Variants in NRDE2 observed in about 807,000 individuals in gnomAD.
The protein encoded by NRDE2 is nuclear exosome regulator NRDE2.
In NRDE2, 76 loss-of-function variants were observed where a neutral mutation model predicts 124.2. That is an observed-to-expected ratio of 0.61 (90% CI 0.51 to 0.74). The LOEUF is 0.74. Ranked by LOEUF, NRDE2 falls within the 30% of genes least tolerant of loss-of-function variation. NRDE2 has a pLI of 0.00. For synonymous variants in NRDE2, 489 were observed against 528.1 expected (o/e 0.93, Z 1.01); for missense variants, 1,314 against 1,417.3 (o/e 0.93, Z 1.17).
At chr14:90,289,504 T>C (rs1892210441) in intron 10 of NRDE2, among the ~76,000 whole-genome samples, 1 of 152,232 alleles carries the variant, frequency 6.6e-6, no homozygotes, top group African/African-American at 2.4e-5. Context: ...AGAGAGCCAG[T>C]ACTAACTGTG....
chr14:90,290,091 TCAGGGTCA>T, intron 10 of NRDE2, 122 bp downstream of exon 10: 1 of 972,154 alleles, frequency 1.0e-6, no homozygotes, highest in Non-Finnish European at 1.5e-6. Context: ...CAAGGTGCCT[TCAGGGTCA>T]CTGGAGGAGG....
chr14:90,316,282 A>G (rs144380891), intron 3 of NRDE2, among the ~76,000 whole-genome samples: 115 of 152,278 alleles, frequency 7.6e-4, no homozygotes, highest in Admixed American at 1.8e-3. Context: ...ACCGTTATCT[A>G]TGTGATAACG....
At chr14:90,326,552 G>A (rs1885448266) in intron 1 of NRDE2, among the ~76,000 whole-genome samples, 1 of 151,802 alleles carries the variant, frequency 6.6e-6, no homozygotes, top group Non-Finnish European at 1.5e-5. Context: ...CTTATAGAAG[G>A]GAGGGAAAAA....
chr14:90,293,451 T>A (rs568614725), intron 8 of NRDE2, among the ~76,000 whole-genome samples: 2 of 149,236 alleles, frequency 1.3e-5, no homozygotes, highest in East Asian at 4.1e-4. Context: ...GGTTTCACCA[T>A]GTTGGTCAGG....
At chr14:90,328,647 C>G (rs1327278442) in intron 1 of NRDE2, among the ~76,000 whole-genome samples, 1 of 152,208 alleles carries the variant, frequency 6.6e-6, no homozygotes, top group African/African-American at 2.4e-5. Context: ...ATAGCAAGTG[C>G]ATTGCTCCCC....
In NRDE2 at chr14:90,290,331, G is replaced by C; in HGVS notation, c.2119C>G (p.Arg707Gly). ...TTGCGGATGAACTCCTCGCCCTCTC[G>C]GTTCTGACCCCTGGTCCAGCGAGGA... is the stretch of plus-strand genomic sequence containing the variant. Reference protein sequence around the residue: ...GYPRWTRGQNREGEEFIRNVF... With the variant: ...GYPRWTRGQNGEGEEFIRNVF... Residue 707 changes from arginine to glycine, a missense_variant, in exon 10 of 14, where the codon CGA (arginine) becomes GGA (glycine). Transcript: ENST00000354366. 1 of 1,614,086 alleles carries C rather than the reference G, an allele frequency of 6.2e-7. No individual in the cohort carries two copies. Among genetic ancestry groups the C allele is most frequent in the Middle Eastern group, 1.6e-4 (1 of 6,062 alleles).
At position 90,293,117 on chromosome 14, in the gene NRDE2, T is replaced by C. The variant is rs1892318460; in HGVS notation, c.1667-245A>G. ...AATAGTATAGTGATTAAAATGGAAA[T>C]GACACATACTCTAGAACAGTACTGT... On this transcript the variant is annotated intron_variant, in intron 8 of 13. Transcript: ENST00000354366. Among the ~76,000 whole-genome samples, 3 of 152,294 alleles carry C rather than the reference T, an allele frequency of 2.0e-5. No homozygotes were observed. The South Asian group carries it at 6.2e-4, about 32-fold the overall frequency.
chr14:90,282,374 G>A (rs1232268823), intron 12 of NRDE2, among the ~76,000 whole-genome samples: 14 of 151,982 alleles, frequency 9.2e-5, no homozygotes, highest in Admixed American at 9.2e-4. Flanking sequence ...TACTCAGGAG[G>A]CTGACGTGAG....
chr14:90,324,348 T>C (rs1885342535), intron 1 of NRDE2, among the ~76,000 whole-genome samples: 1 of 152,030 alleles, frequency 6.6e-6, no homozygotes, highest in Non-Finnish European at 1.5e-5. Context: ...GATATACTAT[T>C]TGAAAGATGA....
chr14:90,301,235 G>GT lies in NRDE2; in HGVS notation c.1545+3dup. 2 of 1,613,360 alleles carry GT rather than the reference G, an allele frequency of 1.2e-6. No individual in the cohort carries two copies. The highest frequency in any genetic ancestry group is 1.7e-6 in the Non-Finnish European group (2 of 1,179,588). Reference sequence around the variant, plus strand: ...AGAGAGATGAGGCGAGCAGAGCTGGGTACCTGTCCTTTGGTAGGCAGATCT... The same window carrying GT: ...AGAGAGATGAGGCGAGCAGAGCTGGGTTACCTGTCCTTTGGTAGGCAGATCT... On this transcript the variant is annotated splice_donor_region_variant and intron_variant, in intron 7 of 13. Coordinates refer to ENST00000354366, the MANE Select transcript of NRDE2 (RefSeq NM_017970.4).
Position 90,326,322 on chromosome 14 carries a change from G to A in NRDE2, c.64+5519C>T, listed in dbSNP as rs566587813. Among the ~76,000 whole-genome samples, 1,020 of 151,566 alleles carry A rather than the reference G, an allele frequency of 6.7e-3. 3 individuals carry two copies. The highest frequency in any genetic ancestry group is 0.01 in the Non-Finnish European group (711 of 67,876). On this transcript the variant is annotated intron_variant, in intron 1 of 13. Transcript: ENST00000354366. ...ATCCTGGCTAACAAGGTGAAACCCCGTCTCTACTAAAAATACAAAAAATTA... is the reference window on the plus strand; with the variant it reads ...ATCCTGGCTAACAAGGTGAAACCCCATCTCTACTAAAAATACAAAAAATTA...
At position 90,292,777 on chromosome 14, in the gene NRDE2, C is replaced by G. The variant is rs746725841; in HGVS notation, c.1762G>C (p.Asp588His). ...CGCCAGGGCCGCCAGTGCCTCTGGTCACGGGAACGCTCAGCAGCAAGCCAG... is the reference window on the plus strand; with the variant it reads ...CGCCAGGGCCGCCAGTGCCTCTGGTGACGGGAACGCTCAGCAGCAAGCCAG... ...QIWLAAERSR[D>H]QRHWRPWRPD... is the part of the protein sequence containing the mutation. The change falls in exon 9 of 14, where the codon GAC becomes CAC. Residue 588 changes from aspartate (D) to histidine (H), a missense_variant. By Grantham distance (81) the Asp-to-His change is moderately conservative. Coordinates refer to ENST00000354366, the MANE Select transcript of NRDE2 (RefSeq NM_017970.4). 1.2e-6 allele frequency: 2 copies of G among 1,614,228 alleles called. No homozygotes were observed. The highest frequency in any genetic ancestry group is 1.1e-5 in the South Asian group (1 of 91,080).
intron 3 of NRDE2, among the ~76,000 whole-genome samples, chr14:90,315,522 G>GT (rs1215286763): frequency 6.6e-6 from 1 of 152,268 alleles, no homozygotes; most frequent in Non-Finnish European, 1.5e-5. Context: ...AATTCAGGTA[G>GT]TTTCACCATA....
At chr14:90,289,809 A>G (rs1892219641) in intron 10 of NRDE2, among the ~76,000 whole-genome samples, 1 of 152,214 alleles carries the variant, frequency 6.6e-6, no homozygotes, top group Non-Finnish European at 1.5e-5. Context: ...GTTGGTCTCG[A>G]ACTCCTGACC....
In NRDE2 at chr14:90,278,251, A is replaced by G; in HGVS notation, c.*85T>C. Reference sequence around the variant, plus strand: ...ACATTTCAAAAGCCGAGTTCTCCTAACACACACGTTCTCTGCTCGCGCCTC... The same window carrying G: ...ACATTTCAAAAGCCGAGTTCTCCTAGCACACACGTTCTCTGCTCGCGCCTC... On this transcript the variant is annotated 3_prime_UTR_variant, in exon 14 of 14. Transcript: ENST00000354366. 1.3e-6 allele frequency: 2 copies of G among 1,528,258 alleles called. No individual in the cohort carries two copies. The allele number at this position is 1,528,258 out of a possible 1,614,324, so 94.7% of individuals were successfully genotyped here. A position where few individuals can be genotyped will look rare whatever the true frequency, so the allele number is the denominator to read the frequency against.
At position 90,292,822 on chromosome 14, in the gene NRDE2, T is replaced by A; in HGVS notation, c.1717A>T (p.Thr573Ser). 15 of 1,614,022 alleles carry A rather than the reference T, an allele frequency of 9.3e-6. No individual in the cohort carries two copies. Among genetic ancestry groups the A allele is most frequent in the Non-Finnish European group, 1.3e-5 (15 of 1,179,950 alleles). ...AGCCAGATCTGCCACCTGGGCAGAG[T>A]CTTATCTTTTATTTCCTGGTCATCC... ...EEDDQEIKDK[T>S]LPRWQIWLAA... The change falls in exon 9 of 14, where the codon ACT (threonine) becomes TCT (serine). Residue 573 changes from threonine (T) to serine (S), a missense_variant. By Grantham distance (58) the Thr-to-Ser change is moderately conservative (BLOSUM62 1). Transcript: ENST00000354366.
intron 3 of NRDE2, among the ~76,000 whole-genome samples, chr14:90,315,082 C>A (rs1166242157): frequency 7.0e-6 from 1 of 142,506 alleles, no homozygotes; most frequent in African/African-American, 2.6e-5. Flanking sequence ...GAGGCTGAGG[C>A]AGGAGACTTG....
chr14:90,303,895 T>C, intron 5 of NRDE2, 40 bp downstream of exon 5: 1 of 1,534,014 alleles, frequency 6.5e-7, no homozygotes, highest in Middle Eastern at 1.8e-4. Flanking sequence ...AAATCAGGAA[T>C]GTCCTTCTAA....
At chr14:90,283,264 G>A (rs1451309519) in intron 12 of NRDE2, among the ~76,000 whole-genome samples, 2 of 152,188 alleles carry the variant, frequency 1.3e-5, no homozygotes, top group Non-Finnish European at 2.9e-5. Flanking sequence ...TCCAAAAAGA[G>A]AGAAATTCTC....
Sources: gnomAD v4.1 joint callset for allele counts (sites outside exome capture counted in the v4.1 genomes callset) on GRCh38, gnomAD v4.1.1 for gene constraint, MANE v1.5 for transcripts, NCBI Gene and HGNC (gene_info 2026-07-23, HGNC 2026-07-21) for gene names.